The following PLD5 variants were observed in gnomAD, a reference collection of about 807,000 sequenced individuals.
PLD5 encodes phospholipase D family member 5.
In PLD5, 36 loss-of-function variants were observed where a neutral mutation model predicts 61.1. That is an observed-to-expected ratio of 0.59 (90% CI 0.45 to 0.78). The LOEUF (loss-of-function observed/expected upper bound fraction) is 0.78. Among genes scored for constraint, PLD5 ranks in the 30% least tolerant of loss-of-function variants. The pLI, the probability that PLD5 is intolerant of heterozygous loss-of-function variation, is 0.00. For synonymous variants in PLD5, 243 were observed against 242.8 expected (o/e 1.00, Z -0.01); for missense variants, 515 against 644.4 (o/e 0.80, Z 2.17).
intron 5 of PLD5, among the ~76,000 whole-genome samples, chr1:242,164,498 T>C (rs1460786719): frequency 6.6e-6 from 1 of 152,162 alleles, no homozygotes; most frequent in East Asian, 1.9e-4. Context: ...GGACATGTTA[T>C]TTGCAAATGG....
chr1:242,322,735 T>C (rs371361920), intron 2 of PLD5, among the ~76,000 whole-genome samples: 1 of 152,220 alleles, frequency 6.6e-6, no homozygotes, highest in Admixed American at 6.5e-5. Flanking sequence ...CCTGCTGCCA[T>C]GTAAGACATG....
Position 242,436,593 on chromosome 1 carries a change from A to C in PLD5, c.189+87495T>G, listed in dbSNP as rs1666008394. The stretch of plus-strand genomic sequence containing the variant: ...CAAAGGACACAGACAAAAAAGTACA[A>C]CTGAAGACAATCAGCCTATACATAT... On this transcript the variant is annotated intron_variant, in intron 1 of 9. Transcript: ENST00000536534. Among the ~76,000 whole-genome samples the C allele has an allele frequency of 2.0e-5, 3 of 152,220 alleles. No individual in the cohort carries two copies. The South Asian group carries it at 6.2e-4, about 32-fold the overall frequency.
intron 4 of PLD5, among the ~76,000 whole-genome samples, chr1:242,242,755 A>G (rs1672136482): frequency 6.6e-6 from 1 of 152,250 alleles, no homozygotes; most frequent in Non-Finnish European, 1.5e-5. Context: ...AACTATCACT[A>G]ACTATAATCA....
At chr1:242,171,782 A>G (rs886863971) in intron 5 of PLD5, among the ~76,000 whole-genome samples, 4 of 152,152 alleles carry the variant, frequency 2.6e-5, no homozygotes, top group Non-Finnish European at 4.4e-5. Context: ...ACCAACAAAG[A>G]TCAAAAAAGA....
At chr1:242,172,148 A>G (rs536965283) in intron 5 of PLD5, among the ~76,000 whole-genome samples, 1 of 152,370 alleles carries the variant, frequency 6.6e-6, no homozygotes, top group African/African-American at 2.4e-5. Context: ...ACTCCTCAGC[A>G]AATGCAAAAG....
chr1:242,396,619 A>G (rs982007443), intron 1 of PLD5, among the ~76,000 whole-genome samples: 9 of 151,930 alleles, frequency 5.9e-5, no homozygotes, highest in African/African-American at 2.2e-4. Context: ...CACACTTTGA[A>G]AATTTGTCTT....
At chr1:242,464,018 T>A (rs1261591538) in intron 1 of PLD5, among the ~76,000 whole-genome samples, 1 of 152,142 alleles carries the variant, frequency 6.6e-6, no homozygotes, top group East Asian at 1.9e-4. Context: ...AGGTTGCCCA[T>A]GGCCTCCACG....
intron 4 of PLD5, among the ~76,000 whole-genome samples, chr1:242,223,627 T>C (rs1339269849): frequency 1.3e-5 from 2 of 152,204 alleles, no homozygotes; most frequent in Non-Finnish European, 2.9e-5. Flanking sequence ...ATGGCATGCT[T>C]CATTTTCTCT....
rs944563379 is a variant in PLD5, at chr1:242,338,408, A to G, written c.326+9698T>C. ...AACACAGCTATACTTTCTGTTTTCA[A>G]CACTACTCATGATTATCAGATATGA... On this transcript the variant is annotated intron_variant, in intron 2 of 9. Transcript: ENST00000536534. Among the ~76,000 whole-genome samples, 4 of 152,064 alleles carry G rather than the reference A, an allele frequency of 2.6e-5. No homozygotes were observed. In the East Asian group the frequency reaches 5.8e-4, roughly 22 times the overall value.
chr1:242,156,619 T>G (rs1665391508), intron 5 of PLD5, among the ~76,000 whole-genome samples: 1 of 152,196 alleles, frequency 6.6e-6, no homozygotes, highest in African/African-American at 2.4e-5. Context: ...GAAGCTTAGT[T>G]TGGCTGGATA....
chr1:242,325,490 G>T (rs1312217409), intron 2 of PLD5, among the ~76,000 whole-genome samples: 1 of 151,438 alleles, frequency 6.6e-6, no homozygotes, highest in Non-Finnish European at 1.5e-5. Flanking sequence ...AGAGAAGGTG[G>T]AGAGAAGAGA....
At position 242,524,418 on chromosome 1, in the gene PLD5, G is replaced by T. The variant is rs12742403; in HGVS notation, c.-142C>A. The T allele has an allele frequency of 2.4e-6, 2 of 828,678 alleles. No individual in the cohort carries two copies. Among genetic ancestry groups the T allele is most frequent in the Non-Finnish European group, 3.2e-6 (2 of 619,848 alleles). The allele number at this position is 828,678 out of a possible 1,614,324, so 51.3% of individuals were successfully genotyped here. On this transcript the variant is annotated 5_prime_UTR_variant, in exon 1 of 10. Transcript: ENST00000536534. ...AGCTGGAGGAGCTGGAGGAGCGAGC[G>T]GGCGCGGGGAGCGCGGGGTGCTGAG...
chr1:242,216,680 C>G (rs2148998304), intron 5 of PLD5, among the ~76,000 whole-genome samples: 1 of 152,352 alleles, frequency 6.6e-6, no homozygotes, highest in Non-Finnish European at 1.5e-5. Context: ...CAGCACCTTC[C>G]TCGGTGTCTG....
At chr1:242,399,070 T>C (rs1663772063) in intron 1 of PLD5, among the ~76,000 whole-genome samples, 1 of 152,144 alleles carries the variant, frequency 6.6e-6, no homozygotes, top group South Asian at 2.1e-4. Context: ...CTCCTTCCAG[T>C]CTTAAGTTTC....
chr1:242,307,963 G>C (rs992754503), intron 2 of PLD5, among the ~76,000 whole-genome samples: 5 of 152,110 alleles, frequency 3.3e-5, no homozygotes, highest in African/African-American at 1.2e-4. Context: ...AATGGATTCT[G>C]ACATATTTTA....
chr1:242,147,451 T>A (rs183994589), intron 5 of PLD5: 6 of 152,374 alleles, frequency 3.9e-5, no homozygotes, highest in African/African-American at 1.4e-4. Context: ...TTCCTGGTGA[T>A]GACAGATAAA....
intron 1 of PLD5, among the ~76,000 whole-genome samples, chr1:242,431,437 A>C (rs1041407800): frequency 3.3e-5 from 5 of 152,218 alleles, no homozygotes; most frequent in African/African-American, 1.2e-4. Flanking sequence ...AGATTTAATT[A>C]CTATCATCCA....
chr1:242,194,622 C>CTATCTATG (rs141034750), intron 5 of PLD5, among the ~76,000 whole-genome samples: 1,484 of 86,784 alleles, frequency 0.017, 32 homozygotes, highest in Non-Finnish European at 0.02. Context: ...ATCTATGTAT[C>CTATCTATG]TATCTATCTA....
intron 1 of PLD5, among the ~76,000 whole-genome samples, chr1:242,402,947 AAAC>A (rs1379497912): frequency 1.3e-5 from 2 of 152,346 alleles, no homozygotes; most frequent in Admixed American, 6.5e-5. Flanking sequence ...TGACAACTAA[AAAC>A]AACAGGAGAA....
Sources: allele counts gnomAD v4.1 joint callset (sites outside exome capture counted in the v4.1 genomes callset), GRCh38; gene constraint gnomAD v4.1.1; transcripts MANE v1.5; gene names NCBI Gene and HGNC (gene_info 2026-07-23, HGNC 2026-07-21).